The following HERPUD2 variants were observed in gnomAD, a reference collection of about 807,000 sequenced individuals.
HERPUD2 encodes homocysteine-responsive endoplasmic reticulum-resident ubiquitin-like domain member 2 protein.
A neutral mutation model predicts 49.9 loss-of-function variants in HERPUD2; 13 were observed. That is an observed-to-expected ratio of 0.26 (90% CI 0.17 to 0.41). HERPUD2 has a LOEUF of 0.41. Among genes scored for constraint, HERPUD2 ranks in the 10% least tolerant of loss-of-function variants. HERPUD2 has a pLI of 1.00. For missense variants in HERPUD2, 449 were observed against 492.2 expected, an observed-to-expected ratio of 0.91 and a Z score of 0.83; for synonymous variants, 172 against 171.4, an observed-to-expected ratio of 1.00 and a Z score of -0.03.
At chr7:35,667,615 A>G in intron 4 of HERPUD2, 27 bp from the exon 5 acceptor site, 1 of 1,552,966 alleles carries the variant, frequency 6.4e-7, no homozygotes. Flanking sequence ...AATTTTTAAA[A>G]GGAGATTTAG....
At chr7:35,663,222 G>T (rs1785465809) in intron 5 of HERPUD2, among the ~76,000 whole-genome samples, 1 of 152,200 alleles carries the variant, frequency 6.6e-6, no homozygotes. Context: ...TGATTGCACT[G>T]TGGTCTGAGA....
chr7:35,652,595 A>AGTTTTTTCTCTTTTTTTG (rs1785189706), intron 5 of HERPUD2, among the ~76,000 whole-genome samples: 1 of 151,612 alleles, frequency 6.6e-6, no homozygotes, highest in South Asian at 2.1e-4. Flanking sequence ...GAAAAAGAAA[A>AGTTTTTTCTCTTTTTTTG]GAAAAAAGGA....
chr7:35,677,176 T>C (rs1012818681), intron 2 of HERPUD2, among the ~76,000 whole-genome samples: 2 of 152,208 alleles, frequency 1.3e-5, no homozygotes, highest in African/African-American at 4.8e-5. Context: ...ATAACAAAGC[T>C]GAATACACAC....
At chr7:35,676,620 T>G (rs1269309371) in intron 2 of HERPUD2, among the ~76,000 whole-genome samples, 4 of 152,204 alleles carry the variant, frequency 2.6e-5, no homozygotes, top group Non-Finnish European at 4.4e-5. Flanking sequence ...GGAGTACTGA[T>G]TTTTACTTGT....
intron 3 of HERPUD2, among the ~76,000 whole-genome samples, chr7:35,672,266 T>C (rs1369512466): frequency 1.4e-5 from 2 of 142,130 alleles, no homozygotes; most frequent in Non-Finnish European, 3.0e-5. Context: ...TAAAAAATTG[T>C]TTAAAAAAAA....
intron 5 of HERPUD2, among the ~76,000 whole-genome samples, chr7:35,657,598 T>C (rs1416759379): frequency 9.0e-6 from 1 of 110,698 alleles, no homozygotes; most frequent in Non-Finnish European, 1.7e-5. Context: ...AGCAAGACCT[T>C]CTCTCAAAAA....
At chr7:35,686,895 G>A (rs1786073763) in intron 2 of HERPUD2, among the ~76,000 whole-genome samples, 1 of 130,392 alleles carries the variant, frequency 7.7e-6, no homozygotes, top group Admixed American at 8.6e-5. Flanking sequence ...GTGAAACCCC[G>A]TCTCTACTGA....
chr7:35,667,397 C>A, intron 5 of HERPUD2, 37 bp downstream of exon 5: 7 of 1,575,456 alleles, frequency 4.4e-6, no homozygotes, highest in Non-Finnish European at 6.1e-6. Context: ...TTTAGGGGGC[C>A]CCAATCACAT....
chr7:35,643,793 A>AT (rs975720278), intron 5 of HERPUD2, among the ~76,000 whole-genome samples: 25 of 151,638 alleles, frequency 1.6e-4, no homozygotes, highest in African/African-American at 6.0e-4. Flanking sequence ...GTTTTATGTA[A>AT]TTAAAAAAAA....
intron 2 of HERPUD2, 53 bp downstream of exon 2, chr7:35,694,124 GGGTACAC>G: frequency 6.3e-7 from 1 of 1,577,676 alleles, no homozygotes; most frequent in Non-Finnish European, 8.7e-7. Flanking sequence ...GGAAAAAGGA[GGGTACAC>G]GGCACGAAAA....
At chr7:35,678,582 C>T (rs373381484) in intron 2 of HERPUD2, among the ~76,000 whole-genome samples, 1 of 152,052 alleles carries the variant, frequency 6.6e-6, no homozygotes, top group African/African-American at 2.4e-5. Flanking sequence ...ATTACAGGCG[C>T]GAGCCACCAC....
rs117531918 is a variant in HERPUD2, at chr7:35,683,948, A to G, written c.147+10236T>C. On this transcript the variant is annotated intron_variant, in intron 2 of 8. Coordinates refer to ENST00000311350, the MANE Select transcript of HERPUD2 (RefSeq NM_022373.5). ...GCAGCGGTGAACAGGGAACACTTGT[A>G]CAATGCTGGTGGGAATATAAACTAG... 4.7e-3 allele frequency among the ~76,000 whole-genome samples: 713 copies of G among 152,370 alleles called. 13 individuals carry two copies. Among genetic ancestry groups the G allele is most frequent in the East Asian group, 0.043 (225 of 5,196 alleles).
chr7:35,691,482 C>A (rs1412616231), intron 2 of HERPUD2, among the ~76,000 whole-genome samples: 2 of 152,178 alleles, frequency 1.3e-5, no homozygotes, highest in Admixed American at 6.5e-5. Flanking sequence ...TACTCCTGAC[C>A]CATCAGATCC....
At chr7:35,634,241 C>G in intron 8 of HERPUD2, 71 bp downstream of exon 8, 1 of 899,662 alleles carries the variant, frequency 1.1e-6, no homozygotes, top group Non-Finnish European at 1.8e-6. Context: ...AACATTCTTT[C>G]ATCATGTTGG....
At chr7:35,665,379 C>A (rs1785515212) in intron 5 of HERPUD2, among the ~76,000 whole-genome samples, 1 of 152,236 alleles carries the variant, frequency 6.6e-6, no homozygotes, top group Non-Finnish European at 1.5e-5. Context: ...GCTGTGCTAG[C>A]AATGAGCAGG....
chr7:35,638,408 T>C lies in HERPUD2; in HGVS notation c.559A>G (p.Ser187Gly). ...PPGFPVYPAF[S>G]PLQMLWWQQM... Reference sequence around the variant, plus strand: ...TGCCACCATAGCATCTGCAGTGGGCTAAACGCGGGATACACTGGGAATCCA... The same window carrying C: ...TGCCACCATAGCATCTGCAGTGGGCCAAACGCGGGATACACTGGGAATCCA... The change falls in exon 6 of 9, where the codon AGC becomes GGC. Residue 187 changes from serine (S) to glycine (G), a missense_variant. Transcript: ENST00000311350. 6.2e-7 allele frequency: 1 copy of C among 1,613,776 alleles called. No individual in the cohort carries two copies. The highest frequency in any genetic ancestry group is 1.1e-5 in the South Asian group (1 of 91,030).
chr7:35,650,958 G>A (rs891796478), intron 5 of HERPUD2, among the ~76,000 whole-genome samples: 11 of 152,258 alleles, frequency 7.2e-5, no homozygotes, highest in African/African-American at 2.4e-4. Flanking sequence ...GCCATCCAGG[G>A]GCCTGTGGAT....
intron 5 of HERPUD2, among the ~76,000 whole-genome samples, chr7:35,660,029 C>T (rs1785377298): frequency 6.6e-6 from 1 of 152,136 alleles, no homozygotes; most frequent in Admixed American, 6.5e-5. Context: ...CCTCCCCACT[C>T]CCCCAACCCC....
chr7:35,660,658 T>C (rs1785396075), intron 5 of HERPUD2, among the ~76,000 whole-genome samples: 1 of 152,262 alleles, frequency 6.6e-6, no homozygotes, highest in African/African-American at 2.4e-5. Context: ...ATGTGTCTAT[T>C]GGCTGCATAA....
Sources: gnomAD v4.1 joint callset for allele counts (sites outside exome capture counted in the v4.1 genomes callset) on GRCh38, gnomAD v4.1.1 for gene constraint, MANE v1.5 for transcripts, NCBI Gene and HGNC (gene_info 2026-07-23, HGNC 2026-07-21) for gene names.